The following KCNN2 variants were observed in gnomAD, a reference collection of about 807,000 sequenced individuals.
KCNN2 encodes potassium calcium-activated channel subfamily N member 2.
A neutral mutation model predicts 55.5 loss-of-function variants in KCNN2; 24 were observed. The observed-to-expected ratio is 0.43, with a 90% CI of 0.31 to 0.61. KCNN2 has a LOEUF of 0.61. Ranked by LOEUF, KCNN2 falls within the 20% of genes least tolerant of loss-of-function variation. The probability of loss-of-function intolerance (pLI) is 0.08; values close to 1 mark genes in which losing one functional copy is unlikely to be tolerated. For missense variants in KCNN2, 754 were observed against 853.6 expected, an observed-to-expected ratio of 0.88 and a Z score of 1.45; for synonymous variants, 431 against 336.1, an observed-to-expected ratio of 1.28 and a Z score of -3.09.
At chr5:114,078,070 AG>A (rs1750721852) in intron 1 of KCNN2, among the ~76,000 whole-genome samples, 1 of 152,212 alleles carries the variant, frequency 6.6e-6, no homozygotes, top group African/African-American at 2.4e-5. Flanking sequence ...TGCAGATCTG[AG>A]GAGACTATCC....
At chr5:114,140,424 T>C (rs1359411371) in intron 1 of KCNN2, among the ~76,000 whole-genome samples, 2 of 152,186 alleles carry the variant, frequency 1.3e-5, no homozygotes, top group East Asian at 1.9e-4. Flanking sequence ...AAGGATACTT[T>C]GACATAAAAG....
chr5:114,351,308 A>G (rs887181331), intron 2 of KCNN2, among the ~76,000 whole-genome samples: 11 of 151,642 alleles, frequency 7.3e-5, no homozygotes, highest in African/African-American at 2.7e-4. Context: ...GTATGTAGAA[A>G]CCTGCTGATC....
chr5:114,070,476 C>A (rs1486544847), intron 1 of KCNN2, among the ~76,000 whole-genome samples: 1 of 152,206 alleles, frequency 6.6e-6, no homozygotes, highest in Non-Finnish European at 1.5e-5. Context: ...GTCCACACAT[C>A]TCCTCTGAAA....
chr5:114,177,674 G>A (rs961845290), intron 1 of KCNN2, among the ~76,000 whole-genome samples: 1 of 151,636 alleles, frequency 6.6e-6, no homozygotes, highest in Non-Finnish European at 1.5e-5. Context: ...AATAATTACA[G>A]CATTTTTATA....
At chr5:114,112,473 T>A (rs891900470) in intron 1 of KCNN2, among the ~76,000 whole-genome samples, 1 of 152,106 alleles carries the variant, frequency 6.6e-6, no homozygotes, top group Non-Finnish European at 1.5e-5. Context: ...AACCAAAGTA[T>A]AATAAAAAAT....
chr5:114,481,442 A>G (rs1231130053), intron 5 of KCNN2, among the ~76,000 whole-genome samples: 4 of 152,154 alleles, frequency 2.6e-5, no homozygotes, highest in Admixed American at 1.3e-4. Flanking sequence ...ATAACAATCA[A>G]TATCATGAAA....
At chr5:114,082,470 A>G (rs1285913719) in intron 1 of KCNN2, among the ~76,000 whole-genome samples, 2 of 152,074 alleles carry the variant, frequency 1.3e-5, no homozygotes, top group Non-Finnish European at 2.9e-5. Flanking sequence ...AGAAATAGGA[A>G]CTCTTCTGCA....
intron 5 of KCNN2, among the ~76,000 whole-genome samples, chr5:114,478,408 C>G (rs1762068577): frequency 6.6e-6 from 1 of 151,396 alleles, no homozygotes; most frequent in Non-Finnish European, 1.5e-5. Flanking sequence ...GTAAAGAGAT[C>G]AAACATACAA....
chr5:114,434,530 G>A (rs943842679), intron 3 of KCNN2, among the ~76,000 whole-genome samples: 3 of 152,146 alleles, frequency 2.0e-5, no homozygotes, highest in Non-Finnish European at 2.9e-5. Flanking sequence ...TTGTAATTTT[G>A]TGTTGAAAGC....
At chr5:114,155,336 C>A (rs1752608444) in intron 1 of KCNN2, among the ~76,000 whole-genome samples, 1 of 152,158 alleles carries the variant, frequency 6.6e-6, no homozygotes, top group African/African-American at 2.4e-5. Context: ...GTGAACAGTG[C>A]TGCAGTGAAC....
intron 3 of KCNN2, among the ~76,000 whole-genome samples, chr5:114,431,748 G>C (rs959983408): frequency 6.6e-6 from 1 of 151,722 alleles, no homozygotes; most frequent in Non-Finnish European, 1.5e-5. Context: ...ACTGCTTTTG[G>C]TGTATCTCAC....
chr5:114,189,125 G>T (rs76771773), intron 1 of KCNN2, among the ~76,000 whole-genome samples: 1 of 131,122 alleles, frequency 7.6e-6, no homozygotes, highest in African/African-American at 3.0e-5. Flanking sequence ...CAGAGAAATA[G>T]AACCAATAGT....
intron 1 of KCNN2, among the ~76,000 whole-genome samples, chr5:114,099,752 A>G (rs1751337005): frequency 6.6e-6 from 1 of 152,128 alleles, no homozygotes; most frequent in African/African-American, 2.4e-5. Flanking sequence ...TAGTAGCCCT[A>G]CTTTTCAAAA....
At chr5:114,284,010 C>A (rs150027510) in intron 2 of KCNN2, among the ~76,000 whole-genome samples, 1 of 152,152 alleles carries the variant, frequency 6.6e-6, no homozygotes, top group African/African-American at 2.4e-5. Context: ...GAATGACATC[C>A]AGGAAGAGGG....
At chr5:114,156,738 G>A (rs1004346955) in intron 1 of KCNN2, among the ~76,000 whole-genome samples, 1 of 152,010 alleles carries the variant, frequency 6.6e-6, no homozygotes. Context: ...TGTATCCTAA[G>A]ACTTTGTTAA....
At chr5:114,090,865 T>C (rs1188897326) in intron 1 of KCNN2, among the ~76,000 whole-genome samples, 2 of 152,054 alleles carry the variant, frequency 1.3e-5, no homozygotes, top group African/African-American at 2.4e-5. Flanking sequence ...TTTTTTAAAA[T>C]CGAGACAGGG....
Position 114,123,610 on chromosome 5 carries a change from G to A in KCNN2, c.-271+67110G>A, listed in dbSNP as rs1035763189. 7.0e-5 allele frequency among the ~76,000 whole-genome samples: 10 copies of A among 143,470 alleles called. 2 individuals carry two copies. The highest frequency in any genetic ancestry group is 1.9e-4 in the African/African-American group (7 of 36,904). 94.1% of individuals were successfully genotyped at this position (143,470 alleles called of 152,430 possible). A position where few individuals can be genotyped will look rare whatever the true frequency, so the allele number is the denominator to read the frequency against. On this transcript the variant is annotated intron_variant, in intron 1 of 10. Transcript: ENST00000512097. The stretch of plus-strand genomic sequence containing the variant: ...GATCTCCTGACCTCGTGATCCGCCC[G>A]CCTCGGCCTCCCAAAGTGCTGGGAT...
intron 2 of KCNN2, among the ~76,000 whole-genome samples, chr5:114,240,621 G>A (rs1205899961): frequency 6.6e-6 from 1 of 152,004 alleles, no homozygotes; most frequent in East Asian, 1.9e-4. Context: ...TAGTAAAGAC[G>A]GGTTTCGCCA....
intron 2 of KCNN2, among the ~76,000 whole-genome samples, chr5:114,293,199 A>T (rs1279423426): frequency 1.3e-5 from 2 of 152,130 alleles, no homozygotes; most frequent in Non-Finnish European, 2.9e-5. Context: ...CTCCTGCCTG[A>T]CTGCCCTGGC....
Sources: gnomAD v4.1 joint callset for allele counts (sites outside exome capture counted in the v4.1 genomes callset) on GRCh38, gnomAD v4.1.1 for gene constraint, MANE v1.5 for transcripts, NCBI Gene and HGNC (gene_info 2026-07-23, HGNC 2026-07-21) for gene names.